The following ENO4 variants were observed in gnomAD, a reference collection of about 807,000 sequenced individuals.
The protein encoded by ENO4 is enolase 4.
ENO4 carries 53 observed loss-of-function variants against 63.2 expected under a neutral mutation model. The observed-to-expected ratio is 0.84, with a 90% CI of 0.67 to 1.05. The LOEUF (loss-of-function observed/expected upper bound fraction) is 1.05. Among genes scored for constraint, ENO4 ranks in the 50% least tolerant of loss-of-function variants. ENO4 has a pLI of 0.00. For missense variants in ENO4, 719 were observed against 772.0 expected, an observed-to-expected ratio of 0.93 and a Z score of 0.81; for synonymous variants, 266 against 283.8, an observed-to-expected ratio of 0.94 and a Z score of 0.63.
rs560500515 is a variant in ENO4, at chr10:116,900,888, A to C, written c.1195-10611A>C. 70 of 985,348 alleles carry C rather than the reference A, an allele frequency of 7.1e-5. No individual in the cohort carries two copies. In the African/African-American group the frequency reaches 1.2e-3, roughly 17 times the overall value. 61.0% of individuals were successfully genotyped at this position (985,348 alleles called of 1,614,324 possible). ...AAAAGTTAATAGTAGCAATGAGAGAATGCAAGAGAGGAAGAAAATACCAGT... is the reference window on the plus strand; with the variant it reads ...AAAAGTTAATAGTAGCAATGAGAGACTGCAAGAGAGGAAGAAAATACCAGT... On this transcript the variant is annotated intron_variant, in intron 10 of 10. Coordinates refer to the ENO4 transcript ENST00000369207.
intron 11 of ENO4, among the ~76,000 whole-genome samples, chr10:116,878,804 C>T (rs868504036): frequency 4.3e-4 from 57 of 131,778 alleles, no homozygotes; most frequent in Non-Finnish European, 6.7e-4. Flanking sequence ...AGTGCAGTGG[C>T]GCGATCTCAG....
At chr10:116,855,369 A>T (rs1468939432) in intron 1 of ENO4, among the ~76,000 whole-genome samples, 2 of 152,088 alleles carry the variant, frequency 1.3e-5, no homozygotes, top group Non-Finnish European at 2.9e-5. Flanking sequence ...AGAGTTCAAC[A>T]TACACCAAAT....
intron 10 of ENO4, chr10:116,911,364 C>T (rs2133346563): frequency 8.4e-7 from 1 of 1,186,020 alleles, no homozygotes; most frequent in Non-Finnish European, 1.1e-6. Flanking sequence ...CAGACTGTGA[C>T]CCTGATATGA....
At chr10:116,892,444 T>A (rs1342593314) in intron 10 of ENO4, among the ~76,000 whole-genome samples, 2 of 152,220 alleles carry the variant, frequency 1.3e-5, no homozygotes, top group Non-Finnish European at 2.9e-5. Flanking sequence ...CATTAAGTCA[T>A]CATGGAAAAT....
downstream of ENO4, among the ~76,000 whole-genome samples, chr10:116,887,279 A>C (rs993453259): frequency 2.6e-5 from 4 of 152,158 alleles, no homozygotes; most frequent in African/African-American, 9.7e-5. Flanking sequence ...CTGCTGCAAG[A>C]AGCTATGGCT....
At chr10:116,879,812 T>G in intron 12 of ENO4, 57 bp from the exon 13 acceptor site, 1 of 1,288,184 alleles carries the variant, frequency 7.8e-7, no homozygotes, top group Non-Finnish European at 1.1e-6. Context: ...AAGAATTGTT[T>G]GTCGTTTAGC....
chr10:116,883,969 C>A, downstream of ENO4: 1 of 200,738 alleles, frequency 5.0e-6, no homozygotes, highest in South Asian at 6.2e-5. Flanking sequence ...GCACAAAGTA[C>A]CTCTATCTCT....
chr10:116,898,869 G>T (rs1847618053), intron 10 of ENO4, among the ~76,000 whole-genome samples: 1 of 152,004 alleles, frequency 6.6e-6, no homozygotes, highest in Admixed American at 6.6e-5. Context: ...TAAGTCCCTA[G>T]GAAATAAATC....
chr10:116,856,762 G>A, intron 3 of ENO4, 80 bp downstream of exon 3: 3 of 1,243,870 alleles, frequency 2.4e-6, no homozygotes, highest in Non-Finnish European at 3.2e-6. Context: ...AGCACTTTGG[G>A]AGGCCGAGGC....
At chr10:116,851,480 C>T (rs183736139) in intron 1 of ENO4, among the ~76,000 whole-genome samples, 117 of 152,320 alleles carry the variant, frequency 7.7e-4, no homozygotes, top group African/African-American at 2.3e-3. Context: ...GGCAACAGAG[C>T]GAGACTCCGT....
At chr10:116,899,546 T>A (rs796649962) in intron 10 of ENO4, among the ~76,000 whole-genome samples, 251 of 123,874 alleles carry the variant, frequency 2.0e-3, no homozygotes, top group African/African-American at 6.1e-3. Context: ...TGTGTGTGTG[T>A]GAGAGAGTGC....
intron 10 of ENO4, among the ~76,000 whole-genome samples, chr10:116,899,675 T>C (rs1264972071): frequency 6.6e-6 from 1 of 152,196 alleles, no homozygotes. Flanking sequence ...ACACTAACGG[T>C]GGTGTTGCCA....
At chr10:116,882,754 G>A (rs958921545), downstream of ENO4, 2 of 152,088 alleles carry the variant, frequency 1.3e-5, no homozygotes, top group Admixed American at 1.3e-4. Flanking sequence ...TATTCTCAAA[G>A]CTATGATTTG....
chr10:116,857,199 G>A (rs1016770853), intron 3 of ENO4, among the ~76,000 whole-genome samples: 6 of 151,936 alleles, frequency 3.9e-5, no homozygotes, highest in African/African-American at 2.4e-5. Flanking sequence ...AGGGCTTTTC[G>A]GTCTCTTTTC....
Position 116,849,712 on chromosome 10 carries a change from C to G in ENO4, c.146C>G (p.Ala49Gly), listed in dbSNP as rs1846001208. 1.3e-6 allele frequency: 2 copies of G among 1,531,654 alleles called. No individual in the cohort carries two copies. The highest frequency in any genetic ancestry group is 4.1e-5 in the Admixed American group (2 of 49,168). The allele number at this position is 1,531,654 out of a possible 1,614,324, so 94.9% of individuals were successfully genotyped here. A position where few individuals can be genotyped will look rare whatever the true frequency, so the allele number is the denominator to read the frequency against. ...AACTCCACCTTCTACCTCCAGCCTGCCGACGTCTACGGGCACCTGGTAGGG... is the reference window on the plus strand; with the variant it reads ...AACTCCACCTTCTACCTCCAGCCTGGCGACGTCTACGGGCACCTGGTAGGG... ...LLNSTFYLQP[A>G]DVYGHLANCF... The change falls in exon 1 of 14, where the codon GCC (alanine) becomes GGC (glycine). Residue 49 changes from alanine (A) to glycine (G), a missense_variant. Ala to Gly is a moderately conservative substitution (Grantham distance 60). Transcript: ENST00000341276.
intron 8 of ENO4, among the ~76,000 whole-genome samples, chr10:116,869,808 C>T (rs1164493047): frequency 6.6e-6 from 1 of 152,134 alleles, no homozygotes; most frequent in Non-Finnish European, 1.5e-5. Flanking sequence ...GTATAGATTC[C>T]AGAGAGGCAG....
intron 7 of ENO4, 169 bp from the exon 8 acceptor site, chr10:116,868,481 G>A (rs1589757937): frequency 2.8e-6 from 2 of 712,236 alleles, no homozygotes. Flanking sequence ...ATAAAGTAGG[G>A]AGTGGCTGGA....
At chr10:116,884,482 A>T, downstream of ENO4, 2 of 337,574 alleles carry the variant, frequency 5.9e-6, no homozygotes. Flanking sequence ...AACACATTTC[A>T]CCCAAAGGGC....
chr10:116,855,482 A>C, intron 1 of ENO4, 141 bp from the exon 2 acceptor site: 6 of 1,028,456 alleles, frequency 5.8e-6, no homozygotes, highest in South Asian at 4.5e-5. Flanking sequence ...GGCATCAGGA[A>C]GAATACTCGC....
Sources: gnomAD v4.1 joint callset for allele counts (sites outside exome capture counted in the v4.1 genomes callset) on GRCh38, gnomAD v4.1.1 for gene constraint, MANE v1.5 for transcripts, NCBI Gene and HGNC (gene_info 2026-07-23, HGNC 2026-07-21) for gene names.